Variants in FBXO33 observed in about 807,000 individuals in gnomAD.
FBXO33 encodes the protein F-box only protein 33.
In FBXO33, 22 loss-of-function variants were observed where a neutral mutation model predicts 46.3. The observed-to-expected ratio is 0.48, with a 90% CI of 0.34 to 0.68. FBXO33 has a LOEUF of 0.68. Among genes scored for constraint, FBXO33 ranks in the 30% least tolerant of loss-of-function variants. The pLI is 0.01. For missense variants in FBXO33, 692 were observed against 708.8 expected (o/e 0.98, Z 0.27); for synonymous variants, 337 against 291.3 (o/e 1.16, Z -1.60).
At chr14:39,426,840 T>C in intron 1 of FBXO33, among the ~76,000 whole-genome samples, 1 of 152,240 alleles carries the variant, frequency 6.6e-6, no homozygotes, top group East Asian at 1.9e-4. Flanking sequence ...ACCTAGTGAC[T>C]ATTACATCCT....
intron 1 of FBXO33, among the ~76,000 whole-genome samples, chr14:39,422,765 C>T (rs1298763805): frequency 1.3e-5 from 2 of 152,116 alleles, no homozygotes; most frequent in East Asian, 3.8e-4. Flanking sequence ...ACACAAAAAT[C>T]TCTACCCATA....
At chr14:39,399,843 G>T in intron 3 of FBXO33, 56 bp from the exon 4 acceptor site, 1 of 1,457,396 alleles carries the variant, frequency 6.9e-7, no homozygotes, top group South Asian at 1.6e-5. Flanking sequence ...TTTTCTCTTT[G>T]GTAAGTCTGT....
At position 39,432,149 on chromosome 14, in the gene FBXO33, A is replaced by G; in HGVS notation, c.14T>C (p.Leu5Ser). MLLF[L>S]SVPQPRPPGA... ...CGGCGGTCGGGGCTGCGGCACTGACAAGAACAACAACATCAATGACTAGGA... is the reference window on the plus strand; with the variant it reads ...CGGCGGTCGGGGCTGCGGCACTGACGAGAACAACAACATCAATGACTAGGA... The change falls in exon 1 of 4, where the codon TTG (leucine) becomes TCG (serine). Residue 5 changes from leucine (L) to serine (S), a missense_variant. This residue lies in a region of FBXO33 where 412 missense variants were observed against 370.8 expected (regional missense o/e 1.11). Coordinates refer to ENST00000298097, the MANE Select transcript of FBXO33 (RefSeq NM_203301.4). 2 of 1,235,802 alleles carry G rather than the reference A, an allele frequency of 1.6e-6. No individual in the cohort carries two copies. The highest frequency in any genetic ancestry group is 2.0e-6 in the Non-Finnish European group (2 of 989,438). 76.6% of individuals were successfully genotyped at this position (1,235,802 alleles called of 1,614,324 possible). A position where few individuals can be genotyped will look rare whatever the true frequency, so the allele number is the denominator to read the frequency against.
intron 1 of FBXO33, among the ~76,000 whole-genome samples, chr14:39,407,289 C>T (rs2075403488): frequency 6.6e-6 from 1 of 152,288 alleles, no homozygotes; most frequent in African/African-American, 2.4e-5. Context: ...AATGGAATGC[C>T]ATGTCTGTTG....
chr14:39,429,379 T>C (rs2075531888), intron 1 of FBXO33, among the ~76,000 whole-genome samples: 2 of 152,178 alleles, frequency 1.3e-5, no homozygotes, highest in Non-Finnish European at 2.9e-5. Flanking sequence ...AAGAGCAATG[T>C]CAAATGTCCC....
intron 1 of FBXO33, among the ~76,000 whole-genome samples, chr14:39,404,808 G>A (rs2075385797): frequency 1.3e-5 from 2 of 152,050 alleles, no homozygotes; most frequent in African/African-American, 4.8e-5. Flanking sequence ...GGTAGACAGG[G>A]TTCTATGTCA....
At chr14:39,430,983 C>A (rs1336599564) in intron 1 of FBXO33, among the ~76,000 whole-genome samples, 1 of 152,156 alleles carries the variant, frequency 6.6e-6, no homozygotes, top group Non-Finnish European at 1.5e-5. Flanking sequence ...TGGGGAGGGA[C>A]TTTCAACCCT....
At chr14:39,409,882 G>A (rs761442515) in intron 1 of FBXO33, among the ~76,000 whole-genome samples, 8 of 151,182 alleles carry the variant, frequency 5.3e-5, no homozygotes, top group African/African-American at 1.9e-4. Flanking sequence ...ACTGATTTTT[G>A]TATGTTGGTT....
intron 1 of FBXO33, among the ~76,000 whole-genome samples, chr14:39,403,986 T>C (rs540455511): frequency 6.6e-6 from 1 of 152,092 alleles, no homozygotes; most frequent in African/African-American, 2.4e-5. Context: ...TATTTTGTAT[T>C]TGTTGGACTC....
In FBXO33 at chr14:39,399,472, CCTACTTG is replaced by C; in HGVS notation, c.*37_*43del. The stretch of plus-strand genomic sequence containing the variant: ...TACTGAAAAAAAAACATAATAGGAC[CCTACTTG>C]CATATGTAACCACAGGAATTCTACA... On this transcript the variant is annotated 3_prime_UTR_variant, in exon 4 of 4. Coordinates refer to ENST00000298097, the MANE Select transcript of FBXO33 (RefSeq NM_203301.4). 1 of 1,545,458 alleles carries C rather than the reference CCTACTTG, an allele frequency of 6.5e-7. No individual in the cohort carries two copies. Among genetic ancestry groups the C allele is most frequent in the Non-Finnish European group, 8.8e-7 (1 of 1,142,488 alleles).
rs72677610 is a variant in FBXO33 at position 39,432,392 on chromosome 14, G to A, written c.-230C>T. ...GCCTCAAGGCGTACTGTAAGGAAAA[G>A]GCAGCCCTCCCTGCGCCGGTCGGCA... On this transcript the variant is annotated 5_prime_UTR_variant, in exon 1 of 4. Coordinates refer to ENST00000298097, the MANE Select transcript of FBXO33 (RefSeq NM_203301.4). The A allele has an allele frequency of 6.9e-5, 19 of 275,720 alleles. No homozygotes were observed. The highest frequency in any genetic ancestry group is 1.0e-3 in the Middle Eastern group (1 of 996). The allele number at this position is 275,720 out of a possible 1,614,324, so 17.1% of individuals were successfully genotyped here.
At chr14:39,407,352 G>C (rs1225713538) in intron 1 of FBXO33, among the ~76,000 whole-genome samples, 1 of 152,156 alleles carries the variant, frequency 6.6e-6, no homozygotes. Context: ...TTGATCAACA[G>C]ACTCACACAA....
intron 1 of FBXO33, among the ~76,000 whole-genome samples, chr14:39,410,723 GTATTT>G (rs1353499310): frequency 6.6e-6 from 1 of 152,096 alleles, no homozygotes; most frequent in Non-Finnish European, 1.5e-5. Context: ...TGGTCTGATG[GTATTT>G]TATATTTCCT....
At chr14:39,401,911 T>C (rs368324337) in intron 2 of FBXO33, 50 bp from the exon 3 acceptor site, 66 of 1,423,074 alleles carry the variant, frequency 4.6e-5, no homozygotes, top group Non-Finnish European at 6.1e-5. Flanking sequence ...TTAGTTCTAA[T>C]CTTTTAACAC....
Position 39,432,031 on chromosome 14 carries a change from T to C in FBXO33, c.132A>G (p.Val44=), listed in dbSNP as rs909570301. 10 of 1,357,502 alleles carry C rather than the reference T, an allele frequency of 7.4e-6. No homozygotes were observed. The African/African-American group carries it at 1.5e-4, about 21-fold the overall frequency. The allele number at this position is 1,357,502 out of a possible 1,614,324, so 84.1% of individuals were successfully genotyped here. The change falls in exon 1 of 4, where the codon GTA becomes GTG. Residue 44 remains valine, a synonymous_variant. Coordinates refer to ENST00000298097, the MANE Select transcript of FBXO33 (RefSeq NM_203301.4). ...QLRRLRGLLR[V]LRGRPGAGSR... ...TGCCGGCTCCCGGCCGCCCCCGCAG[T>C]ACCCGGAGCAGCCCCCGCAGCCGTC...
intron 1 of FBXO33, among the ~76,000 whole-genome samples, chr14:39,406,581 C>T (rs1159155901): frequency 1.3e-5 from 2 of 152,142 alleles, no homozygotes; most frequent in Admixed American, 6.5e-5. Flanking sequence ...TACAACATAG[C>T]CTGGTAGTCT....
intron 1 of FBXO33, among the ~76,000 whole-genome samples, chr14:39,411,710 A>T (rs945114973): frequency 4.6e-5 from 7 of 151,984 alleles, no homozygotes; most frequent in Non-Finnish European, 8.8e-5. Flanking sequence ...TTTAGTAGAG[A>T]CAGGGTTTCA....
chr14:39,399,825 G>T, intron 3 of FBXO33, 38 bp from the exon 4 acceptor site: 1 of 1,476,488 alleles, frequency 6.8e-7, no homozygotes, highest in Admixed American at 2.1e-5. Flanking sequence ...TAATTTCCTT[G>T]CATTTCCTTT....
chr14:39,401,169 C>A lies in FBXO33; in HGVS notation c.1396+7G>T. 1 of 1,564,812 alleles carries A rather than the reference C, an allele frequency of 6.4e-7. No individual in the cohort carries two copies. Among genetic ancestry groups the A allele is most frequent in the South Asian group, 1.2e-5 (1 of 80,914 alleles). On this transcript the variant is annotated splice_region_variant and intron_variant, in intron 3 of 3. Coordinates refer to ENST00000298097, the MANE Select transcript of FBXO33 (RefSeq NM_203301.4). Reference sequence around the variant, plus strand: ...AGTATCAGATTACAATGAACAAGATCACCTACCATGAATTGCCAGAAGAGA... The same window carrying A: ...AGTATCAGATTACAATGAACAAGATAACCTACCATGAATTGCCAGAAGAGA...
Sources: gnomAD v4.1 joint callset for allele counts (sites outside exome capture counted in the v4.1 genomes callset) on GRCh38, gnomAD v4.1.1 for gene constraint, gnomAD v4.1.1 regional missense constraint, MANE v1.5 for transcripts, NCBI Gene and HGNC (gene_info 2026-07-23, HGNC 2026-07-21) for gene names.